Variants in PSD3 observed in about 807,000 individuals in gnomAD.
The protein encoded by PSD3 is PH and SEC7 domain-containing protein 3.
Under a neutral mutation model 105.5 loss-of-function variants are expected in PSD3, and 49 were observed. The observed-to-expected ratio is 0.46, with a 90% CI of 0.37 to 0.59. PSD3 has a LOEUF of 0.59. Among genes scored for constraint, PSD3 ranks in the 20% least tolerant of loss-of-function variants. The probability of loss-of-function intolerance (pLI) is 0.00; values close to 1 mark genes in which losing one functional copy is unlikely to be tolerated. For missense variants in PSD3, 1,561 were observed against 1,263.8 expected, an observed-to-expected ratio of 1.24 and a Z score of -3.57; for synonymous variants, 557 against 457.8, an observed-to-expected ratio of 1.22 and a Z score of -2.77.
intron 2 of PSD3, among the ~76,000 whole-genome samples, chr8:18,874,702 C>CAAAAAAA (rs746055038): frequency 5.7e-5 from 3 of 52,834 alleles, no homozygotes; most frequent in African/African-American, 2.1e-4. Flanking sequence ...GACTCCATCT[C>CAAAAAAA]AAAAAAAAAA....
chr8:18,639,480 A>G (rs1262486796), intron 10 of PSD3, among the ~76,000 whole-genome samples: 1 of 152,184 alleles, frequency 6.6e-6, no homozygotes, highest in Non-Finnish European at 1.5e-5. Flanking sequence ...AAATTAAAGT[A>G]CTAACTTCCA....
At chr8:18,770,164 A>G (rs982405949) in intron 8 of PSD3, among the ~76,000 whole-genome samples, 2 of 152,110 alleles carry the variant, frequency 1.3e-5, no homozygotes, top group African/African-American at 4.8e-5. Context: ...TACTTTAGGT[A>G]TTGTTATGGG....
intron 9 of PSD3, among the ~76,000 whole-genome samples, chr8:18,736,378 G>T (rs1349348122): frequency 6.6e-6 from 1 of 152,142 alleles, no homozygotes; most frequent in Non-Finnish European, 1.5e-5. Flanking sequence ...TTAAACACTA[G>T]AATAATGCCT....
chr8:18,572,797 A>G, intron 13 of PSD3, 125 bp from the exon 14 acceptor site: 1 of 1,098,170 alleles, frequency 9.1e-7, no homozygotes, highest in Non-Finnish European at 1.3e-6. Context: ...GGTACAACTA[A>G]TCCCTGACAA....
At chr8:18,616,466 A>T (rs888912651) in intron 11 of PSD3, among the ~76,000 whole-genome samples, 4 of 152,106 alleles carry the variant, frequency 2.6e-5, no homozygotes, top group African/African-American at 9.7e-5. Flanking sequence ...TGGATCTAGG[A>T]AAGATTAACT....
intron 8 of PSD3, chr8:18,774,672 A>G (rs531354283): frequency 9.1e-5 from 33 of 361,974 alleles, no homozygotes; most frequent in South Asian, 7.1e-4. Context: ...CTTGGGCCAC[A>G]GATCTGGGGG....
intron 1 of PSD3, among the ~76,000 whole-genome samples, chr8:19,050,442 C>A (rs1008544904): frequency 6.6e-6 from 1 of 152,110 alleles, no homozygotes; most frequent in Admixed American, 6.5e-5. Context: ...AACCCAAATG[C>A]CCAACAATGA....
chr8:19,079,469 T>C (rs1829572510), intron 1 of PSD3, among the ~76,000 whole-genome samples: 1 of 152,228 alleles, frequency 6.6e-6, no homozygotes, highest in Non-Finnish European at 1.5e-5. Flanking sequence ...CAAGTAGAAT[T>C]AATATAAAGA....
At chr8:18,656,601 C>T (rs1036633567) in intron 9 of PSD3, among the ~76,000 whole-genome samples, 3 of 152,122 alleles carry the variant, frequency 2.0e-5, no homozygotes, top group Non-Finnish European at 1.5e-5. Flanking sequence ...CTTCTTTAGA[C>T]CCTTGGTAAC....
chr8:18,781,284 A>G (rs1808597388), intron 8 of PSD3, among the ~76,000 whole-genome samples: 1 of 152,228 alleles, frequency 6.6e-6, no homozygotes, highest in African/African-American at 2.4e-5. Context: ...AATGCCCTTA[A>G]GCAGTTATCC....
chr8:18,998,948 G>A (rs1335251263), intron 1 of PSD3, among the ~76,000 whole-genome samples: 1 of 151,876 alleles, frequency 6.6e-6, no homozygotes, highest in Non-Finnish European at 1.5e-5. Context: ...GATGGACATG[G>A]TGGGTCCCAT....
intron 1 of PSD3, among the ~76,000 whole-genome samples, chr8:18,957,176 T>C (rs973649406): frequency 3.3e-5 from 5 of 151,876 alleles, no homozygotes; most frequent in Non-Finnish European, 5.9e-5. Flanking sequence ...ATTGAGACCA[T>C]CCTGGCCAAC....
chr8:18,771,425 T>G (rs745787064), intron 8 of PSD3, among the ~76,000 whole-genome samples: 1 of 152,224 alleles, frequency 6.6e-6, no homozygotes, highest in Non-Finnish European at 1.5e-5. Context: ...TAAGAAATCA[T>G]TGCCTAATCC....
chr8:18,811,935 C>T (rs1811724012), intron 4 of PSD3, among the ~76,000 whole-genome samples: 1 of 151,994 alleles, frequency 6.6e-6, no homozygotes, highest in Non-Finnish European at 1.5e-5. Context: ...TAAGTTTGGA[C>T]CCAACAATTT....
intron 11 of PSD3, among the ~76,000 whole-genome samples, chr8:18,630,228 G>C (rs1806795952): frequency 6.6e-6 from 1 of 151,608 alleles, no homozygotes; most frequent in African/African-American, 2.4e-5. Flanking sequence ...AAACTGCCTT[G>C]ACCAATCAGA....
intron 4 of PSD3, among the ~76,000 whole-genome samples, chr8:18,819,125 C>T (rs1481166608): frequency 6.6e-6 from 1 of 152,174 alleles, no homozygotes; most frequent in African/African-American, 2.4e-5. Flanking sequence ...AGAGACAGAA[C>T]TCCTGACTCC....
At chr8:18,968,612 C>T (rs1824433029) in intron 1 of PSD3, among the ~76,000 whole-genome samples, 2 of 152,146 alleles carry the variant, frequency 1.3e-5, no homozygotes, top group African/African-American at 2.4e-5. Flanking sequence ...TGTGGTGGCT[C>T]ACGCCTGTAA....
intron 2 of PSD3, among the ~76,000 whole-genome samples, chr8:18,918,616 A>C (rs1302481177): frequency 6.6e-6 from 1 of 152,198 alleles, no homozygotes; most frequent in Non-Finnish European, 1.5e-5. Flanking sequence ...AATAAACAAA[A>C]AACTAGGCCT....
chr8:18,903,221 G>A (rs1035676689), intron 2 of PSD3, among the ~76,000 whole-genome samples: 1 of 152,130 alleles, frequency 6.6e-6, no homozygotes, highest in Admixed American at 6.5e-5. Context: ...TACTCTGAAG[G>A]TTTAGGCTCA....
Sources: allele counts gnomAD v4.1 joint callset (sites outside exome capture counted in the v4.1 genomes callset), GRCh38; gene constraint gnomAD v4.1.1; transcripts MANE v1.5; gene names NCBI Gene and HGNC (gene_info 2026-07-23, HGNC 2026-07-21).